The following PKP4 variants were observed in gnomAD, a reference collection of about 807,000 sequenced individuals.
PKP4 encodes the protein plakophilin 4, also known as plakophilin-4.
A neutral mutation model predicts 145.1 loss-of-function variants in PKP4; 90 were observed. That is an observed-to-expected ratio of 0.62 (90% CI 0.52 to 0.74). The LOEUF (loss-of-function observed/expected upper bound fraction) is 0.74, where lower values mean the gene tolerates loss of function less well. Ranked by LOEUF, PKP4 falls within the 30% of genes least tolerant of loss-of-function variation. PKP4 has a pLI of 0.00. For missense variants in PKP4, 1,340 were observed against 1,482.7 expected, an observed-to-expected ratio of 0.90 and a Z score of 1.58; for synonymous variants, 563 against 577.2, an observed-to-expected ratio of 0.98 and a Z score of 0.35.
At chr2:158,523,819 G>GA (rs1182736506) in intron 1 of PKP4, among the ~76,000 whole-genome samples, 41 of 133,344 alleles carry the variant, frequency 3.1e-4, no homozygotes, top group African/African-American at 1.1e-3. Context: ...CAAGGCTCGA[G>GA]AACTACGTGA....
intron 3 of PKP4, among the ~76,000 whole-genome samples, chr2:158,587,238 AT>A (rs1357798326): frequency 1.3e-5 from 2 of 152,172 alleles, no homozygotes; most frequent in Non-Finnish European, 2.9e-5. Flanking sequence ...ACTTTTAAAA[AT>A]TCAGAGGCCC....
At chr2:158,491,362 CTA>C (rs1222229178) in intron 1 of PKP4, among the ~76,000 whole-genome samples, 3 of 152,192 alleles carry the variant, frequency 2.0e-5, no homozygotes, top group East Asian at 1.9e-4. Context: ...CTGCATCCAT[CTA>C]TATGTCTCCA....
intron 6 of PKP4, among the ~76,000 whole-genome samples, chr2:158,622,906 A>G (rs1045636594): frequency 2.6e-5 from 4 of 152,248 alleles, no homozygotes; most frequent in African/African-American, 9.6e-5. Context: ...ACTTTTCAAC[A>G]GCAGTTACCT....
intron 2 of PKP4, among the ~76,000 whole-genome samples, chr2:158,551,108 T>C (rs1474152179): frequency 2.6e-5 from 4 of 152,248 alleles, no homozygotes. Context: ...TATTCTGTAA[T>C]GTAACTCTGA....
intron 8 of PKP4, among the ~76,000 whole-genome samples, chr2:158,633,309 G>T (rs2053544292): frequency 6.6e-6 from 1 of 152,102 alleles, no homozygotes; most frequent in East Asian, 1.9e-4. Flanking sequence ...CAATAACAAA[G>T]AATGAAATAG....
chr2:158,601,005 T>G (rs1449297809), intron 3 of PKP4, among the ~76,000 whole-genome samples: 1 of 152,192 alleles, frequency 6.6e-6, no homozygotes, highest in Non-Finnish European at 1.5e-5. Flanking sequence ...TCGGGGAGAA[T>G]AAGTTGACCT....
At chr2:158,663,224 G>A (rs1159482205) in intron 14 of PKP4, 48 bp from the exon 15 acceptor site, 3 of 1,578,612 alleles carry the variant, frequency 1.9e-6, no homozygotes, top group Admixed American at 1.7e-5. Flanking sequence ...AAGTATTGGA[G>A]ATCATGTTCA....
At chr2:158,530,847 T>A (rs1230521961) in intron 1 of PKP4, among the ~76,000 whole-genome samples, 1 of 152,146 alleles carries the variant, frequency 6.6e-6, no homozygotes, top group Admixed American at 6.5e-5. Flanking sequence ...AGAATAGATA[T>A]CATCCATGTC....
chr2:158,591,513 A>G (rs983332348), intron 3 of PKP4, among the ~76,000 whole-genome samples: 6 of 152,220 alleles, frequency 3.9e-5, no homozygotes, highest in African/African-American at 1.4e-4. Flanking sequence ...AAGCTGGGTA[A>G]TAAATACAAA....
At chr2:158,561,038 G>A (rs1349932340) in intron 2 of PKP4, among the ~76,000 whole-genome samples, 3 of 152,194 alleles carry the variant, frequency 2.0e-5, no homozygotes, top group Non-Finnish European at 2.9e-5. Flanking sequence ...TGCAAGCTAA[G>A]AATGTTTTAT....
rs1246478482 is a variant in PKP4 at position 158,662,976 on chromosome 2, G to C, written c.2291G>C (p.Gly764Ala). ...GAGGTGCCCCAGGCCCGGTTACTGGGACTGAACGAATTGGATGACTTACTA... is the reference window on the plus strand; with the variant it reads ...GAGGTGCCCCAGGCCCGGTTACTGGCACTGAACGAATTGGATGACTTACTA... The part of the protein sequence containing the change: ...ELEVPQARLL[G>A]LNELDDLLGK... Residue 764 changes from glycine (G) to alanine (A), a missense_variant, in exon 14 of 22, where the codon GGA becomes GCA. By Grantham distance (60) the Gly-to-Ala change is moderately conservative (BLOSUM62 0). Coordinates refer to ENST00000389759, the MANE Select transcript of PKP4 (RefSeq NM_003628.6). 4 of 1,614,004 alleles carry C rather than the reference G, an allele frequency of 2.5e-6. No homozygotes were observed. The highest frequency in any genetic ancestry group is 3.4e-6 in the Non-Finnish European group (4 of 1,180,004).
At chr2:158,561,288 GA>G (rs1448727101) in intron 2 of PKP4, among the ~76,000 whole-genome samples, 3 of 152,140 alleles carry the variant, frequency 2.0e-5, no homozygotes, top group Non-Finnish European at 4.4e-5. Context: ...GCCTTTTCTA[GA>G]AAAAGTTTGC....
intron 1 of PKP4, among the ~76,000 whole-genome samples, chr2:158,473,496 G>A (rs1201015567): frequency 3.9e-5 from 6 of 152,174 alleles, no homozygotes; most frequent in South Asian, 2.1e-4. Flanking sequence ...AACAAGATCC[G>A]GTCTTTTGCA....
chr2:158,469,943 C>T (rs1691286429), intron 1 of PKP4, among the ~76,000 whole-genome samples: 1 of 152,148 alleles, frequency 6.6e-6, no homozygotes, highest in Non-Finnish European at 1.5e-5. Flanking sequence ...GGGTCTAACT[C>T]AATGACCCCT....
chr2:158,597,893 C>T (rs1480935755), intron 3 of PKP4, among the ~76,000 whole-genome samples: 1 of 152,184 alleles, frequency 6.6e-6, no homozygotes, highest in African/African-American at 2.4e-5. Context: ...TGCAGCCTTG[C>T]TTGCCTTGAG....
chr2:158,608,054 T>C (rs1006747877), intron 4 of PKP4, among the ~76,000 whole-genome samples: 1 of 152,194 alleles, frequency 6.6e-6, no homozygotes, highest in African/African-American at 2.4e-5. Context: ...AACAAAAGTA[T>C]GATTAGATGA....
At chr2:158,556,168 G>A (rs2046072431) in intron 2 of PKP4, among the ~76,000 whole-genome samples, 1 of 152,206 alleles carries the variant, frequency 6.6e-6, no homozygotes, top group African/African-American at 2.4e-5. Flanking sequence ...CTAAATAAGA[G>A]GGAAATGGGC....
chr2:158,636,472 T>C (rs1468064931), intron 9 of PKP4, among the ~76,000 whole-genome samples: 1 of 152,192 alleles, frequency 6.6e-6, no homozygotes, highest in African/African-American at 2.4e-5. Context: ...TTCAGCTGTT[T>C]TATTCTGGTG....
intron 13 of PKP4, among the ~76,000 whole-genome samples, chr2:158,661,978 C>T (rs2056634469): frequency 1.3e-5 from 2 of 152,164 alleles, no homozygotes; most frequent in Non-Finnish European, 2.9e-5. Context: ...TGCCCGAGTA[C>T]AGGGCATTCT....
Sources: allele counts gnomAD v4.1 joint callset (sites outside exome capture counted in the v4.1 genomes callset), GRCh38; gene constraint gnomAD v4.1.1; transcripts MANE v1.5; gene names NCBI Gene and HGNC (gene_info 2026-07-23, HGNC 2026-07-21).